Variants in COL19A1 observed in about 807,000 individuals in gnomAD.
COL19A1 encodes collagen alpha-1(XIX) chain.
Under a neutral mutation model 190.2 loss-of-function variants are expected in COL19A1, and 159 were observed. The observed-to-expected ratio is 0.84, with a 90% CI of 0.73 to 0.95. The LOEUF (loss-of-function observed/expected upper bound fraction) is 0.95. Ranked by LOEUF, COL19A1 falls within the 40% of genes least tolerant of loss-of-function variation. COL19A1 has a pLI of 0.00. For synonymous variants in COL19A1, 509 were observed against 458.9 expected, an observed-to-expected ratio of 1.11 and a Z score of -1.39; for missense variants, 1,418 against 1,431.9, an observed-to-expected ratio of 0.99 and a Z score of 0.16.
chr6:69,980,087 A>T (rs1204513453), intron 11 of COL19A1, among the ~76,000 whole-genome samples: 2 of 152,000 alleles, frequency 1.3e-5, no homozygotes, highest in African/African-American at 4.8e-5. Context: ...ATGAACAAAT[A>T]AATAACTAAA....
At chr6:69,925,346 C>T (rs1397587943) in intron 4 of COL19A1, among the ~76,000 whole-genome samples, 3 of 152,168 alleles carry the variant, frequency 2.0e-5, no homozygotes. Flanking sequence ...ATAGGGTATC[C>T]TTTCCCCATT....
At chr6:70,062,734 C>T (rs958389362) in intron 14 of COL19A1, among the ~76,000 whole-genome samples, 4 of 152,102 alleles carry the variant, frequency 2.6e-5, no homozygotes, top group Non-Finnish European at 4.4e-5. Flanking sequence ...TTCAGGAAAC[C>T]TATCTCATCT....
At chr6:70,119,813 G>A (rs190845013) in intron 16 of COL19A1, among the ~76,000 whole-genome samples, 47 of 152,272 alleles carry the variant, frequency 3.1e-4, no homozygotes, top group African/African-American at 8.9e-4. Context: ...GCTATTGGCC[G>A]GGCCCGCTGG....
At chr6:70,127,331 A>T (rs954160549) in intron 17 of COL19A1, among the ~76,000 whole-genome samples, 1 of 152,148 alleles carries the variant, frequency 6.6e-6, no homozygotes, top group Non-Finnish European at 1.5e-5. Flanking sequence ...TATTTCTCTG[A>T]TCTTATGTAG....
At chr6:70,163,718 G>A (rs570307046) in intron 36 of COL19A1, among the ~76,000 whole-genome samples, 48 of 152,282 alleles carry the variant, frequency 3.2e-4, no homozygotes, top group African/African-American at 1.1e-3. Flanking sequence ...GTAATGTGGT[G>A]TCTACCAGGG....
intron 2 of COL19A1, among the ~76,000 whole-genome samples, 200 bp from the exon 3 acceptor site, chr6:69,898,748 A>G (rs1769959802): frequency 6.6e-6 from 1 of 152,228 alleles, no homozygotes; most frequent in Non-Finnish European, 1.5e-5. Context: ...TGAACCAAGC[A>G]GTGTTCTTAG....
chr6:70,104,133 C>T (rs1215691173), intron 16 of COL19A1, among the ~76,000 whole-genome samples: 1 of 152,034 alleles, frequency 6.6e-6, no homozygotes, highest in African/African-American at 2.4e-5. Context: ...GCATTGGTGC[C>T]AATTGATATT....
At chr6:70,085,517 A>C (rs1429653569) in intron 15 of COL19A1, among the ~76,000 whole-genome samples, 1 of 152,214 alleles carries the variant, frequency 6.6e-6, no homozygotes, top group Non-Finnish European at 1.5e-5. Context: ...ATTCTAGAAC[A>C]GTTTTGAATT....
intron 9 of COL19A1, among the ~76,000 whole-genome samples, chr6:69,957,557 GA>G (rs201758664): frequency 2.7e-5 from 4 of 149,682 alleles, no homozygotes; most frequent in African/African-American, 7.4e-5. Flanking sequence ...ACCCCGTAAT[GA>G]AAAAAAAACC....
intron 2 of COL19A1, among the ~76,000 whole-genome samples, chr6:69,881,423 A>C (rs542431301): frequency 6.6e-6 from 1 of 152,340 alleles, no homozygotes; most frequent in African/African-American, 2.4e-5. Flanking sequence ...CAAATTTTTA[A>C]GTGTATAACA....
At chr6:70,096,687 T>C (rs1783296487) in intron 15 of COL19A1, among the ~76,000 whole-genome samples, 1 of 152,222 alleles carries the variant, frequency 6.6e-6, no homozygotes, top group Non-Finnish European at 1.5e-5. Flanking sequence ...TGAATTCTTT[T>C]GTTCTGAGCT....
intron 9 of COL19A1, among the ~76,000 whole-genome samples, chr6:69,940,036 T>C (rs1321381921): frequency 6.6e-6 from 1 of 151,994 alleles, no homozygotes; most frequent in South Asian, 2.1e-4. Flanking sequence ...CAGGAAGAAA[T>C]TTCATGTGTT....
intron 4 of COL19A1, among the ~76,000 whole-genome samples, chr6:69,912,768 T>C (rs1317443655): frequency 6.6e-6 from 1 of 152,178 alleles, no homozygotes; most frequent in East Asian, 1.9e-4. Context: ...TATCAACTCC[T>C]GGCTCACCAT....
chr6:70,006,121 C>T (rs1441161473), intron 11 of COL19A1, among the ~76,000 whole-genome samples: 6 of 152,190 alleles, frequency 3.9e-5, no homozygotes, highest in Admixed American at 3.9e-4. Context: ...CCAGTGCTGG[C>T]TGCTACCCCT....
At chr6:70,031,757 C>T (rs1429426584) in intron 12 of COL19A1, among the ~76,000 whole-genome samples, 2 of 152,084 alleles carry the variant, frequency 1.3e-5, no homozygotes, top group East Asian at 3.8e-4. Flanking sequence ...CCTTCTGAAA[C>T]AACAAATGTC....
At chr6:69,990,957 C>T (rs1021742533) in intron 11 of COL19A1, among the ~76,000 whole-genome samples, 1 of 151,846 alleles carries the variant, frequency 6.6e-6, no homozygotes, top group African/African-American at 2.4e-5. Flanking sequence ...AATTGTGTGT[C>T]ACAGGGGTTT....
intron 42 of COL19A1, among the ~76,000 whole-genome samples, chr6:70,179,765 C>T (rs771577070): frequency 6.6e-6 from 1 of 152,200 alleles, no homozygotes; most frequent in East Asian, 1.9e-4. Flanking sequence ...CTCTCCTACT[C>T]TCCACCATCC....
At chr6:70,118,264 TC>T (rs1176885159) in intron 16 of COL19A1, among the ~76,000 whole-genome samples, 1 of 152,194 alleles carries the variant, frequency 6.6e-6, no homozygotes, top group African/African-American at 2.4e-5. Context: ...AGCCACCAAT[TC>T]TGAAACCCCA....
chr6:70,080,754 G>A (rs1582862979), intron 15 of COL19A1, among the ~76,000 whole-genome samples: 1 of 152,098 alleles, frequency 6.6e-6, no homozygotes, highest in Non-Finnish European at 1.5e-5. Flanking sequence ...TCTGAAGCAT[G>A]CTAATTATGT....
Sources: gnomAD v4.1 joint callset for allele counts (sites outside exome capture counted in the v4.1 genomes callset) on GRCh38, gnomAD v4.1.1 for gene constraint, MANE v1.5 for transcripts, NCBI Gene and HGNC (gene_info 2026-07-23, HGNC 2026-07-21) for gene names.